The following USP10 variants were observed in gnomAD, a reference collection of about 807,000 sequenced individuals.
USP10 encodes the protein ubiquitin carboxyl-terminal hydrolase 10.
A neutral mutation model predicts 84.5 loss-of-function variants in USP10; 22 were observed. The observed-to-expected ratio is 0.26, with a 90% confidence interval of 0.19 to 0.37. The LOEUF (loss-of-function observed/expected upper bound fraction) is 0.37, where lower values mean the gene tolerates loss of function less well. Ranked by LOEUF, USP10 falls within the 10% of genes least tolerant of loss-of-function variation. The probability of loss-of-function intolerance (pLI) is 1.00; values close to 1 mark genes in which losing one functional copy is unlikely to be tolerated. For synonymous variants in USP10, 454 were observed against 387.6 expected, an observed-to-expected ratio of 1.17 and a Z score of -2.01; for missense variants, 1,019 against 998.9, an observed-to-expected ratio of 1.02 and a Z score of -0.27.
At chr16:84,742,357 T>G (rs1910721265) in intron 3 of USP10, among the ~76,000 whole-genome samples, 1 of 152,224 alleles carries the variant, frequency 6.6e-6, no homozygotes, top group African/African-American at 2.4e-5. Context: ...TTTCTAAAGC[T>G]ATTCACAGCT....
At chr16:84,755,823 G>C (rs936521918) in intron 4 of USP10, among the ~76,000 whole-genome samples, 2 of 151,098 alleles carry the variant, frequency 1.3e-5, no homozygotes, top group African/African-American at 4.9e-5. Context: ...TCAGTCACTT[G>C]CTGGTCTTTT....
chr16:84,709,033 ATTCATTCATTCGTTTG>A (rs1475815108), intron 1 of USP10: 1 of 150,262 alleles, frequency 6.7e-6, no homozygotes, highest in Non-Finnish European at 1.5e-5. Context: ...AGTCAAGAAC[ATTCATTCATTCGTTTG>A]TTCATTCATT....
At chr16:84,749,183 T>A (rs952305547) in intron 4 of USP10, among the ~76,000 whole-genome samples, 1 of 152,216 alleles carries the variant, frequency 6.6e-6, no homozygotes, top group Non-Finnish European at 1.5e-5. Context: ...TTTATTCTCC[T>A]ACTTAGGGAT....
intron 9 of USP10, 136 bp from the exon 10 acceptor site, chr16:84,763,950 C>G (rs189533036): frequency 5.0e-5 from 56 of 1,119,752 alleles, no homozygotes; most frequent in Non-Finnish European, 6.1e-5. Flanking sequence ...GCTCCTGTTG[C>G]GATTGGTTGC....
intron 1 of USP10, among the ~76,000 whole-genome samples, chr16:84,718,688 G>C (rs915242178): frequency 6.6e-6 from 1 of 151,798 alleles, no homozygotes; most frequent in South Asian, 2.1e-4. Flanking sequence ...CCCAGGAGTC[G>C]GAGGTTGCAG....
intron 8 of USP10, among the ~76,000 whole-genome samples, chr16:84,762,654 G>T (rs1913340841): frequency 6.6e-6 from 1 of 150,822 alleles, no homozygotes; most frequent in South Asian, 2.1e-4. Flanking sequence ...TTGCACCACT[G>T]CACTCCAGCC....
chr16:84,761,752 G>A (rs1048925441), intron 8 of USP10, among the ~76,000 whole-genome samples: 2 of 152,260 alleles, frequency 1.3e-5, no homozygotes, highest in Non-Finnish European at 2.9e-5. Flanking sequence ...GGTTTAGGCA[G>A]AATCCCGTAT....
intron 2 of USP10, among the ~76,000 whole-genome samples, chr16:84,737,990 T>C (rs1441944230): frequency 6.6e-6 from 1 of 152,226 alleles, no homozygotes; most frequent in African/African-American, 2.4e-5. Flanking sequence ...TTCTTCTGCA[T>C]GTTGTGGGAG....
At chr16:84,768,084 A>T in intron 10 of USP10, 109 bp from the exon 11 acceptor site, 2 of 1,251,824 alleles carry the variant, frequency 1.6e-6, no homozygotes. Flanking sequence ...GGTCTTTTGA[A>T]AGTGATATTG....
chr16:84,741,235 C>G (rs1386828425), intron 3 of USP10, among the ~76,000 whole-genome samples: 1 of 152,188 alleles, frequency 6.6e-6, no homozygotes, highest in African/African-American at 2.4e-5. Flanking sequence ...GTGATTATAT[C>G]TAAAATTTTA....
intron 3 of USP10, among the ~76,000 whole-genome samples, chr16:84,743,464 A>G (rs1295492625): frequency 6.6e-6 from 1 of 152,126 alleles, no homozygotes. Flanking sequence ...AAAGATTTCT[A>G]GGGGTCCTTT....
At chr16:84,744,320 C>T (rs3829516) in intron 3 of USP10, among the ~76,000 whole-genome samples, 121,826 of 152,044 alleles carry the variant, frequency 0.8, 49,233 homozygotes, top group Admixed American at 0.87. Flanking sequence ...TCAGATTCCA[C>T]TGGGGGGTAT....
chr16:84,737,952 C>G (rs1287296083), intron 2 of USP10, among the ~76,000 whole-genome samples: 1 of 152,226 alleles, frequency 6.6e-6, no homozygotes, highest in Admixed American at 6.5e-5. Flanking sequence ...TCAGCGTCAT[C>G]TGTGTATTTT....
intron 1 of USP10, among the ~76,000 whole-genome samples, chr16:84,711,756 C>G (rs559454375): frequency 1.1e-3 from 135 of 118,674 alleles, no homozygotes; most frequent in African/African-American, 4.3e-3. Context: ...GAGATGGAGT[C>G]TTGTTCTGTC....
At chr16:84,774,959 G>T (rs1014790314) in intron 12 of USP10, among the ~76,000 whole-genome samples, 1 of 152,148 alleles carries the variant, frequency 6.6e-6, no homozygotes, top group African/African-American at 2.4e-5. Flanking sequence ...TGAGCTGGCT[G>T]CACATTTTGT....
intron 1 of USP10, among the ~76,000 whole-genome samples, chr16:84,718,412 T>C (rs1473679922): frequency 6.6e-6 from 1 of 152,176 alleles, no homozygotes; most frequent in Non-Finnish European, 1.5e-5. Context: ...GGCCACTGTG[T>C]TTGGCAGGAG....
intron 9 of USP10, 87 bp downstream of exon 9, chr16:84,763,175 C>T: frequency 1.4e-6 from 1 of 719,752 alleles, no homozygotes; most frequent in Non-Finnish European, 2.3e-6. Context: ...TGCTTCCCTG[C>T]CCCTCAGTCG....
intron 2 of USP10, among the ~76,000 whole-genome samples, chr16:84,733,707 A>G (rs1339975243): frequency 6.6e-6 from 1 of 152,210 alleles, no homozygotes; most frequent in Non-Finnish European, 1.5e-5. Flanking sequence ...GGCTTTGAAA[A>G]GCAAATAAAA....
chr16:84,748,036 C>A (rs998509224), intron 4 of USP10, among the ~76,000 whole-genome samples: 1 of 150,562 alleles, frequency 6.6e-6, no homozygotes, highest in African/African-American at 2.4e-5. Context: ...CGCCTGTAGT[C>A]CCAGCTACTC....
Sources: allele counts gnomAD v4.1 joint callset (sites outside exome capture counted in the v4.1 genomes callset), GRCh38; gene constraint gnomAD v4.1.1; transcripts MANE v1.5; gene names NCBI Gene and HGNC (gene_info 2026-07-23, HGNC 2026-07-21).